Variants in KNL1 observed in about 807,000 individuals in gnomAD.
The protein encoded by KNL1 is kinetochore scaffold 1.
KNL1 carries 66 observed loss-of-function variants against 201.3 expected under a neutral mutation model. That is an observed-to-expected ratio of 0.33 (90% CI 0.27 to 0.40). The LOEUF (loss-of-function observed/expected upper bound fraction) is 0.40, where lower values mean the gene tolerates loss of function less well. Among genes scored for constraint, KNL1 ranks in the 10% least tolerant of loss-of-function variants. The pLI is 1.00. For synonymous variants in KNL1, 895 were observed against 899.2 expected (o/e 1.00, Z 0.08); for missense variants, 2,815 against 2,690.5 (o/e 1.05, Z -1.02).
chr15:40,640,107 T>C (rs1202187229), intron 13 of KNL1, among the ~76,000 whole-genome samples: 3 of 147,898 alleles, frequency 2.0e-5, no homozygotes, highest in Non-Finnish European at 4.5e-5. Context: ...TCTTTTTTTT[T>C]TTTTTTTGAG....
intron 3 of KNL1, among the ~76,000 whole-genome samples, chr15:40,606,118 A>G (rs1891962845): frequency 6.6e-6 from 1 of 152,212 alleles, no homozygotes; most frequent in South Asian, 2.1e-4. Flanking sequence ...TGTTCTAGAC[A>G]GAGCTATGTG....
intron 4 of KNL1, among the ~76,000 whole-genome samples, chr15:40,608,010 G>A (rs1039069065): frequency 2.0e-5 from 3 of 152,020 alleles, no homozygotes; most frequent in Admixed American, 6.6e-5. Flanking sequence ...TGTTCATAGC[G>A]GCATTATTCA....
rs907158831 is a variant in KNL1 at position 40,649,475 on chromosome 15, T to C, written c.6095-826T>C. Among the ~76,000 whole-genome samples, 3 of 152,014 alleles carry C rather than the reference T, an allele frequency of 2.0e-5. No homozygotes were observed. The South Asian group carries it at 6.2e-4, about 31-fold the overall frequency. On this transcript the variant is annotated intron_variant, in intron 17 of 25. Coordinates refer to ENST00000399668, the MANE Select transcript of KNL1 (RefSeq NM_144508.5). Reference sequence around the variant, plus strand: ...CACCCCCAGCTAATTTTTGTATTTTTAGTAGAGATGGTGTTTCACCATCTT... The same window carrying C: ...CACCCCCAGCTAATTTTTGTATTTTCAGTAGAGATGGTGTTTCACCATCTT...
At chr15:40,637,035 A>T (rs958853016) in intron 13 of KNL1, among the ~76,000 whole-genome samples, 7 of 151,278 alleles carry the variant, frequency 4.6e-5, no homozygotes, top group African/African-American at 1.7e-4. Flanking sequence ...CATTTCCCTG[A>T]TCGTCTTATG....
At chr15:40,606,521 T>C (rs1053814730) in intron 4 of KNL1, 69 bp downstream of exon 4, 2 of 890,832 alleles carry the variant, frequency 2.2e-6, no homozygotes, top group Non-Finnish European at 3.7e-6. Flanking sequence ...AGAAGTTTAT[T>C]AGCTATTTGA....
At chr15:40,615,762 CT>C (rs746991512) in intron 8 of KNL1, 267 of 133,678 alleles carry the variant, frequency 2.0e-3, no homozygotes, top group Middle Eastern at 3.8e-3. Context: ...GAGCTTTGTT[CT>C]TTTTTTTTTT....
At chr15:40,618,518 G>GAAT (rs529826273) in intron 8 of KNL1, among the ~76,000 whole-genome samples, 34 of 151,544 alleles carry the variant, frequency 2.2e-4, no homozygotes, top group East Asian at 3.9e-4. Context: ...ATAGAGAAGT[G>GAAT]AATAATAATA....
Position 40,624,074 on chromosome 15 carries a change from G to T in KNL1, c.3810G>T (p.Ala1270=). The T allele has an allele frequency of 6.2e-7, 1 of 1,614,016 alleles. No homozygotes were observed. Among genetic ancestry groups the T allele is most frequent in the South Asian group, 1.1e-5 (1 of 91,088 alleles). The change falls in exon 10 of 26, where the codon GCG becomes GCT. Residue 1270 remains alanine, a synonymous_variant. Coordinates refer to ENST00000399668, the MANE Select transcript of KNL1 (RefSeq NM_144508.5). ...VVDQACTLEK[A]QVESCQLNNR... ...ACCAGGCCTGTACATTGGAAAAAGC[G>T]CAAGTTGAAAGCTGTCAGTTAAATA... is the stretch of plus-strand genomic sequence containing the variant.
At chr15:40,628,562 C>A in intron 11 of KNL1, 49 bp from the exon 12 acceptor site, 1 of 1,199,004 alleles carries the variant, frequency 8.3e-7, no homozygotes, top group Non-Finnish European at 1.2e-6. Context: ...CAATTAAGTT[C>A]ACAGTTTAGT....
At position 40,625,200 on chromosome 15, in the gene KNL1, A is replaced by G; in HGVS notation, c.4936A>G (p.Arg1646Gly). 6.2e-7 allele frequency: 1 copy of G among 1,614,024 alleles called. No homozygotes were observed. The highest frequency in any genetic ancestry group is 1.1e-5 in the South Asian group (1 of 91,068). Residue 1646 changes from arginine to glycine, a missense_variant, in exon 10 of 26, where the codon AGG (arginine) becomes GGG (glycine). Physicochemically the swap from Arg to Gly is moderately radical, Grantham distance 125. Coordinates refer to ENST00000399668, the MANE Select transcript of KNL1 (RefSeq NM_144508.5). ...PPKTVFKDKV[R>G]RCSLGIFLPR... is the part of the protein sequence containing the mutation. ...AAAGACAGTTTTTAAAGATAAAGTA[A>G]GGAGATGTTCTTTGGGAATCTTTTT... is the stretch of plus-strand genomic sequence containing the variant.
At chr15:40,648,134 A>T (rs1893450337) in intron 17 of KNL1, among the ~76,000 whole-genome samples, 1 of 152,166 alleles carries the variant, frequency 6.6e-6, no homozygotes, top group Non-Finnish European at 1.5e-5. Context: ...ATTTCAGGTG[A>T]GGGCATCTTT....
At chr15:40,630,200 A>G (rs540556053) in intron 13 of KNL1, among the ~76,000 whole-genome samples, 1 of 152,312 alleles carries the variant, frequency 6.6e-6, no homozygotes, top group Non-Finnish European at 1.5e-5. Context: ...AATACAATCA[A>G]CGCTTTCAAT....
chr15:40,620,672 A>G lies in KNL1; in HGVS notation c.408A>G (p.Lys136=). ...FSIIEHTRER[K]HANDQTVIFS... is the part of the protein sequence containing the mutation. Reference sequence around the variant, plus strand: ...TTATAGAACATACCCGTGAAAGGAAACATGCAAATGACCAGACAGTCATTT... The same window carrying G: ...TTATAGAACATACCCGTGAAAGGAAGCATGCAAATGACCAGACAGTCATTT... Residue 136 remains lysine (K), a synonymous_variant, in exon 10 of 26, where the codon AAA becomes AAG. Transcript: ENST00000399668. 2.5e-6 allele frequency: 4 copies of G among 1,592,708 alleles called. No individual in the cohort carries two copies. Among genetic ancestry groups the G allele is most frequent in the Non-Finnish European group, 3.4e-6 (4 of 1,173,160 alleles).
At chr15:40,610,846 T>C (rs941433583) in intron 6 of KNL1, 1 of 454,842 alleles carries the variant, frequency 2.2e-6, no homozygotes, top group African/African-American at 2.0e-5. Flanking sequence ...GCCTCCTGGG[T>C]TTAAGCGATT....
At chr15:40,628,265 A>G in intron 11 of KNL1, 57 bp downstream of exon 11, 1 of 1,505,768 alleles carries the variant, frequency 6.6e-7, no homozygotes, top group Non-Finnish European at 8.9e-7. Flanking sequence ...AACTAATAAT[A>G]AGTAGTTTTC....
intron 8 of KNL1, 106 bp from the exon 9 acceptor site, chr15:40,618,853 C>G: frequency 1.5e-6 from 1 of 667,240 alleles, no homozygotes; most frequent in Non-Finnish European, 2.7e-6. Context: ...GGCTTAGTTA[C>G]TGGTAAATTC....
chr15:40,648,507 T>C (rs1247961646), intron 17 of KNL1, among the ~76,000 whole-genome samples: 2 of 152,258 alleles, frequency 1.3e-5, no homozygotes, highest in Non-Finnish European at 2.9e-5. Flanking sequence ...CTCATCTTTA[T>C]GTATAGCAGT....
intron 1 of KNL1, among the ~76,000 whole-genome samples, chr15:40,596,689 T>C (rs1891629423): frequency 6.6e-6 from 1 of 152,054 alleles, no homozygotes; most frequent in Admixed American, 6.6e-5. Flanking sequence ...TCATTTCCTG[T>C]AGTACTTTAA....
Position 40,652,080 on chromosome 15 carries a change from C to A in KNL1, c.6390C>A (p.Leu2130=). The A allele has an allele frequency of 6.2e-7, 1 of 1,613,214 alleles. No homozygotes were observed. The highest frequency in any genetic ancestry group is 1.1e-5 in the South Asian group (1 of 91,036). ...VFTFVYDTIQ[L]TITFEESVVG... is the part of the protein sequence containing the mutation. Reference sequence around the variant, plus strand: ...CCTTTGTTTATGACACGATACAACTCACCATCACCTTTGAAGAGTCAGTTG... The same window carrying A: ...CCTTTGTTTATGACACGATACAACTAACCATCACCTTTGAAGAGTCAGTTG... Residue 2130 remains leucine (L), a synonymous_variant, in exon 21 of 26, where the codon CTC becomes CTA. Transcript: ENST00000399668.
Sources: allele counts gnomAD v4.1 joint callset (sites outside exome capture counted in the v4.1 genomes callset), GRCh38; gene constraint gnomAD v4.1.1; transcripts MANE v1.5; gene names NCBI Gene and HGNC (gene_info 2026-07-23, HGNC 2026-07-21).